GNAT3: variants seen among roughly 807,000 people sequenced by gnomAD.
GNAT3 encodes the protein G protein subunit alpha transducin 3.
GNAT3 carries 31 observed loss-of-function variants against 37.7 expected under a neutral mutation model. The ratio of observed to expected loss-of-function variants is 0.82; its 90% CI spans 0.62 to 1.11. The LOEUF is 1.11. GNAT3 is among the 50% of genes most tolerant of loss of function. GNAT3 has a pLI of 0.00. For synonymous variants in GNAT3, 138 were observed against 139.8 expected, an observed-to-expected ratio of 0.99 and a Z score of 0.09; for missense variants, 437 against 412.5, an observed-to-expected ratio of 1.06 and a Z score of -0.51.
At chr7:80,465,748 C>A (rs1278317278) in intron 5 of GNAT3, among the ~76,000 whole-genome samples, 2 of 152,038 alleles carry the variant, frequency 1.3e-5, no homozygotes, top group African/African-American at 4.8e-5. Context: ...AAACAGGTCA[C>A]TGGGCAAAAA....
At chr7:80,466,272 T>A (rs1213194533) in intron 5 of GNAT3, among the ~76,000 whole-genome samples, 1 of 152,148 alleles carries the variant, frequency 6.6e-6, no homozygotes, top group Non-Finnish European at 1.5e-5. Context: ...TAAGCAGAAC[T>A]TGCATTAGTC....
chr7:80,479,831 CAT>C (rs2116173491), intron 3 of GNAT3, among the ~76,000 whole-genome samples: 1 of 151,308 alleles, frequency 6.6e-6, no homozygotes, highest in Non-Finnish European at 1.5e-5. Context: ...GCCTCGTAAT[CAT>C]ATAAAGAATG....
In GNAT3 at chr7:80,488,539, C is replaced by A. The variant is rs771137976; in HGVS notation, c.299G>T (p.Ser100Ile). Residue 100 changes from serine (S) to isoleucine (I), a missense_variant, in exon 3 of 8, where the codon AGT becomes ATT. Coordinates refer to ENST00000398291, the MANE Select transcript of GNAT3 (RefSeq NM_001102386.3). ...TLGIDYVNPR[S>I]AEDQRQLYAM... The stretch of plus-strand genomic sequence containing the variant: ...TGTCATTATTTGCATACTTACTGCA[C>A]TTCTGGGATTTACATAATCAATTCC... The A allele has an allele frequency of 2.7e-5, 44 of 1,600,524 alleles. No individual in the cohort carries two copies. The African/African-American group carries it at 5.7e-4, about 21-fold the overall frequency.
intron 5 of GNAT3, among the ~76,000 whole-genome samples, chr7:80,472,695 T>C (rs1422514518): frequency 1.3e-5 from 2 of 152,186 alleles, no homozygotes; most frequent in Non-Finnish European, 2.9e-5. Flanking sequence ...CAAACCCGTT[T>C]ATGGTCCAGA....
rs570030158 is a variant in GNAT3, at chr7:80,474,259, C to A, written c.582G>T (p.Leu194Phe). ...IIETQFSFKD[L>F]HFRMFDVGGQ... ...AAGATATTTGATCATACCTGAAGTG[C>A]AAGTCTTTAAAGGAGAATTGAGTTT... is the stretch of plus-strand genomic sequence containing the variant. The change falls in exon 5 of 8, where the codon TTG becomes TTT. Residue 194 changes from leucine (L) to phenylalanine (F), a missense_variant. By Grantham distance (22) the Leu-to-Phe change is conservative (BLOSUM62 0). Coordinates refer to ENST00000398291, the MANE Select transcript of GNAT3 (RefSeq NM_001102386.3). 3.4e-5 allele frequency: 55 copies of A among 1,603,882 alleles called. 1 individual carries two copies. The South Asian group carries it at 5.7e-4, about 17-fold the overall frequency.
chr7:80,476,774 TCTG>T (rs893258364), intron 4 of GNAT3, among the ~76,000 whole-genome samples: 2 of 151,922 alleles, frequency 1.3e-5, no homozygotes, highest in African/African-American at 4.8e-5. Flanking sequence ...GAAAAAAAAA[TCTG>T]CTCTTAATTT....
chr7:80,472,685 C>T (rs190306188), intron 5 of GNAT3, among the ~76,000 whole-genome samples: 18 of 152,170 alleles, frequency 1.2e-4, no homozygotes, highest in East Asian at 1.9e-4. Flanking sequence ...ATCACTTGTC[C>T]AAACCCGTTT....
At chr7:80,465,989 C>A (rs968805434) in intron 5 of GNAT3, among the ~76,000 whole-genome samples, 6 of 152,096 alleles carry the variant, frequency 3.9e-5, no homozygotes, top group Non-Finnish European at 7.4e-5. Context: ...TCCTGGTGGG[C>A]TTTTCAAACT....
At chr7:80,460,040 T>A (rs2116132572) in intron 7 of GNAT3, among the ~76,000 whole-genome samples, 1 of 152,320 alleles carries the variant, frequency 6.6e-6, no homozygotes, top group African/African-American at 2.4e-5. Flanking sequence ...GTTTATAGCA[T>A]CTTTTTCCAT....
intron 5 of GNAT3, among the ~76,000 whole-genome samples, chr7:80,473,160 A>G (rs1188283830): frequency 6.6e-6 from 1 of 152,188 alleles, no homozygotes; most frequent in Non-Finnish European, 1.5e-5. Flanking sequence ...TACATTTGCC[A>G]AGAGAGGATG....
At chr7:80,485,433 CT>C (rs1039115117) in intron 3 of GNAT3, among the ~76,000 whole-genome samples, 2 of 152,040 alleles carry the variant, frequency 1.3e-5, no homozygotes, top group African/African-American at 4.8e-5. Context: ...CTAATTAGTT[CT>C]TTTCCATCCT....
In GNAT3 at chr7:80,500,248, A is replaced by G. The variant is rs1438044951; in HGVS notation, c.119-5601T>C. Among the ~76,000 whole-genome samples the G allele has an allele frequency of 1.1e-4, 17 of 148,688 alleles. No homozygotes were observed. In the South Asian group the frequency reaches 1.5e-3, roughly 13 times the overall value. On this transcript the variant is annotated intron_variant, in intron 1 of 7. Coordinates refer to ENST00000398291, the MANE Select transcript of GNAT3 (RefSeq NM_001102386.3). ...TTGCCTCCTTTTTTTTTTTTGGCCT[A>G]CACTCAGCTTGTGGTAATTAAAGTT...
chr7:80,460,827 A>T (rs1022241997), intron 7 of GNAT3, among the ~76,000 whole-genome samples: 3 of 152,078 alleles, frequency 2.0e-5, no homozygotes, highest in Admixed American at 6.6e-5. Context: ...CATCAATTGT[A>T]ACATATGTAC....
chr7:80,500,280 C>CT (rs1328897799), intron 1 of GNAT3, among the ~76,000 whole-genome samples: 4 of 150,900 alleles, frequency 2.7e-5, no homozygotes, highest in Non-Finnish European at 4.4e-5. Context: ...AGTTTTTCTA[C>CT]TTTTTTTCAC....
chr7:80,508,785 G>A (rs1791000325), intron 1 of GNAT3, among the ~76,000 whole-genome samples: 1 of 151,966 alleles, frequency 6.6e-6, no homozygotes, highest in South Asian at 2.1e-4. Flanking sequence ...GAAATCTTGT[G>A]TTCGATAATA....
chr7:80,490,493 G>C (rs1341494417), intron 2 of GNAT3, among the ~76,000 whole-genome samples: 1 of 152,120 alleles, frequency 6.6e-6, no homozygotes, highest in Non-Finnish European at 1.5e-5. Flanking sequence ...AACTCTACTA[G>C]GTGTAAGGTA....
chr7:80,477,220 T>TA (rs1790319281), intron 4 of GNAT3, among the ~76,000 whole-genome samples: 1 of 152,160 alleles, frequency 6.6e-6, no homozygotes, highest in African/African-American at 2.4e-5. Flanking sequence ...CAAGACTAAA[T>TA]ATATTAATGA....
At chr7:80,501,273 T>C (rs926897404) in intron 1 of GNAT3, among the ~76,000 whole-genome samples, 6 of 152,064 alleles carry the variant, frequency 3.9e-5, no homozygotes, top group African/African-American at 1.4e-4. Context: ...TTTTATACCC[T>C]TCCCCTTTCT....
intron 1 of GNAT3, among the ~76,000 whole-genome samples, chr7:80,508,997 T>C (rs924139462): frequency 1.3e-5 from 2 of 152,090 alleles, no homozygotes; most frequent in Non-Finnish European, 2.9e-5. Context: ...GTTAGTTCCA[T>C]GTGACATGTA....
Sources: allele counts gnomAD v4.1 joint callset (sites outside exome capture counted in the v4.1 genomes callset), GRCh38; gene constraint gnomAD v4.1.1; transcripts MANE v1.5; gene names NCBI Gene and HGNC (gene_info 2026-07-23, HGNC 2026-07-21).